The following RPL12 variants were observed in gnomAD, a reference collection of about 807,000 sequenced individuals.
RPL12 encodes the protein large ribosomal subunit protein uL11.
In RPL12, 10 loss-of-function variants were observed where a neutral mutation model predicts 24.5. The observed-to-expected ratio is 0.41, with a 90% confidence interval of 0.25 to 0.69. The LOEUF (loss-of-function observed/expected upper bound fraction) is 0.69. RPL12 is among the 30% of genes least tolerant of loss of function. The pLI, the probability that RPL12 is intolerant of heterozygous loss-of-function variation, is 0.33. For missense variants in RPL12, 137 were observed against 205.3 expected, an observed-to-expected ratio of 0.67 and a Z score of 2.03; for synonymous variants, 74 against 76.1, an observed-to-expected ratio of 0.97 and a Z score of 0.14.
chr9:127,448,118 A>G lies in RPL12; in HGVS notation c.380-129T>C. 6.6e-6 allele frequency: 8 copies of G among 1,210,602 alleles called. No homozygotes were observed. The South Asian group carries it at 1.1e-4, about 16-fold the overall frequency. The allele number at this position is 1,210,602 out of a possible 1,614,324, so 75.0% of individuals were successfully genotyped here. A position where few individuals can be genotyped will look rare whatever the true frequency, so the allele number is the denominator to read the frequency against. On this transcript the variant is annotated intron_variant, in intron 5 of 6. Coordinates refer to ENST00000361436, the MANE Select transcript of RPL12 (RefSeq NM_000976.4). ...TGAGGTTCCTGCTCCCCTAATATAG[A>G]ATATAGAGTTCCATCTAGTTCCATA...
intron 5 of RPL12, 69 bp downstream of exon 5, chr9:127,448,268 A>G: frequency 7.7e-7 from 1 of 1,294,204 alleles, no homozygotes; most frequent in Non-Finnish European, 1.1e-6. Flanking sequence ...CCTTCAAGTA[A>G]GAAGAATGTT....
intron 4 of RPL12, chr9:127,449,021 T>G (rs1226630878): frequency 1.8e-5 from 7 of 387,142 alleles, no homozygotes; most frequent in Non-Finnish European, 2.9e-5. Context: ...GAGATGGGGT[T>G]TCACCATGTT....
At chr9:127,449,933 A>AGCCAG (rs1834247246) in intron 2 of RPL12, 1 of 531,304 alleles carries the variant, frequency 1.9e-6, no homozygotes, top group African/African-American at 1.9e-5. Flanking sequence ...CCCCCTCCTA[A>AGCCAG]GTGCCCATGT....
Position 127,451,366 on chromosome 9 carries a change from G to T in RPL12, c.-49C>A. On this transcript the variant is annotated 5_prime_UTR_variant, in exon 1 of 7. Coordinates refer to ENST00000361436, the MANE Select transcript of RPL12 (RefSeq NM_000976.4). ...GAACCCGGATTCGGGACGACCGAAG[G>T]AAGTTGCACCTTGGCCTCCTCCGAG... The T allele has an allele frequency of 6.3e-7, 1 of 1,593,498 alleles. No individual in the cohort carries two copies. Among genetic ancestry groups the T allele is most frequent in the Non-Finnish European group, 8.6e-7 (1 of 1,166,574 alleles).
chr9:127,449,632 G>C lies in RPL12; in HGVS notation c.188C>G (p.Thr63Ser). The C allele has an allele frequency of 6.2e-7, 1 of 1,614,102 alleles. No individual in the cohort carries two copies. The highest frequency in any genetic ancestry group is 8.5e-7 in the Non-Finnish European group (1 of 1,179,992). ...TACCTGGGCCTGTCTGTTCTGAATG[G>C]TCAGTTTCACTGTAATCCTCAGGCC... is the stretch of plus-strand genomic sequence containing the variant. Reference protein sequence around the residue: ...WKGLRITVKLTIQNRQAQIEV... With the variant: ...WKGLRITVKLSIQNRQAQIEV... Residue 63 changes from threonine (T) to serine (S), a missense_variant, in exon 3 of 7, where the codon ACC (threonine) becomes AGC (serine). Thr to Ser is a moderately conservative substitution (Grantham distance 58). Around this residue, in one of 3 missense-constraint regions of RPL12, gnomAD observed 118 missense variants for 160.7 expected, o/e 0.73. Coordinates refer to ENST00000361436, the MANE Select transcript of RPL12 (RefSeq NM_000976.4).
Position 127,451,402 on chromosome 9 carries a change from A to G in RPL12, c.-85T>C, listed in dbSNP as rs1834312749. ...TTGGCCTCCTCCGAGCCGAAAGCCGAGAGGCCGGAAATCGCGCGGACAAGC... is the reference window on the plus strand; with the variant it reads ...TTGGCCTCCTCCGAGCCGAAAGCCGGGAGGCCGGAAATCGCGCGGACAAGC... On this transcript the variant is annotated 5_prime_UTR_variant, in exon 1 of 7. Transcript: ENST00000361436. The G allele has an allele frequency of 1.3e-5, 20 of 1,567,246 alleles. No individual in the cohort carries two copies. Among genetic ancestry groups the G allele is most frequent in the Non-Finnish European group, 1.7e-5 (20 of 1,146,852 alleles).
chr9:127,450,821 G>A lies in RPL12; in HGVS notation c.38-17C>T, dbSNP rs146896900. 2.4e-4 allele frequency: 370 copies of A among 1,543,208 alleles called. 1 individual carries two copies. Among genetic ancestry groups the A allele is most frequent in the Non-Finnish European group, 3.2e-4 (362 of 1,141,906 alleles). The stretch of plus-strand genomic sequence containing the variant: ...TCAGGTATACTGGGGGAAAAGAAGA[G>A]TTAGTGTCTGTGCAGAGGGAGCCCC... On this transcript the variant is annotated splice_polypyrimidine_tract_variant and intron_variant, in intron 1 of 6. Transcript: ENST00000361436.
At position 127,448,332 on chromosome 9, in the gene RPL12, C is replaced by T. The variant is rs779417892; in HGVS notation, c.379+5G>A. The T allele has an allele frequency of 6.2e-7, 1 of 1,605,608 alleles. No homozygotes were observed. The highest frequency in any genetic ancestry group is 1.1e-5 in the South Asian group (1 of 90,906). ...TATGGCGGTTACATGTTGTCCTGCT[C>T]TTACCAGAGAGTTCTCTGGCTAAGG... On this transcript the variant is annotated splice_donor_5th_base_variant and intron_variant, in intron 5 of 6. Transcript: ENST00000361436.
intron 2 of RPL12, 106 bp downstream of exon 2, chr9:127,450,625 G>T (rs997973152): frequency 1.3e-6 from 1 of 795,600 alleles, no homozygotes; most frequent in South Asian, 1.8e-5. Flanking sequence ...TACTGAGGGT[G>T]ACAGTCCAAG....
chr9:127,448,510 C>A, intron 4 of RPL12, 87 bp from the exon 5 acceptor site: 1 of 919,636 alleles, frequency 1.1e-6, no homozygotes, highest in South Asian at 1.3e-5. Context: ...AGGCTGTTCC[C>A]ATGCTTTCGG....
chr9:127,451,226 G>A, intron 1 of RPL12, 55 bp downstream of exon 1: 1 of 1,598,510 alleles, frequency 6.3e-7, no homozygotes, highest in Non-Finnish European at 8.5e-7. Flanking sequence ...TTGCACGCGC[G>A]GCAGGGCCGA....
intron 2 of RPL12, chr9:127,450,197 G>A: frequency 5.7e-6 from 1 of 175,502 alleles, no homozygotes; most frequent in South Asian, 1.3e-4. Context: ...AAGAGCATTT[G>A]GGGCAGGGGA....
chr9:127,451,044 C>T, intron 1 of RPL12: 1 of 657,066 alleles, frequency 1.5e-6, no homozygotes. Context: ...CGGAGACAAG[C>T]CTTACCCTAG....
At chr9:127,449,421 G>C (rs1834229075) in intron 3 of RPL12, 59 bp from the exon 4 acceptor site, 1 of 1,510,538 alleles carries the variant, frequency 6.6e-7, no homozygotes, top group South Asian at 1.1e-5. Context: ...CATGCACGCT[G>C]GCTCTCAAAA....
chr9:127,449,770 CCCA>C (rs770858874), intron 2 of RPL12, 62 bp from the exon 3 acceptor site: 54 of 1,288,004 alleles, frequency 4.2e-5, no homozygotes, highest in Non-Finnish European at 5.6e-5. Flanking sequence ...TTGAAACCTG[CCCA>C]CCACTTCTCA....
rs760553996 is a variant in RPL12 at position 127,447,992 on chromosome 9, TTAAG to T, written c.380-7_380-4del. On this transcript the variant is annotated splice_region_variant and splice_polypyrimidine_tract_variant and intron_variant, in intron 5 of 6. Transcript: ENST00000361436. ...CCCCAGGATCTCTTTAATGGTTCCTTTAAGTAAAGAAATGGTGGCATTGGAGGTG... is the reference window on the plus strand; with the variant it reads ...CCCCAGGATCTCTTTAATGGTTCCTTTAAAGAAATGGTGGCATTGGAGGTG... 2.5e-6 allele frequency: 4 copies of T among 1,599,578 alleles called. No individual in the cohort carries two copies. The highest frequency in any genetic ancestry group is 2.6e-6 in the Non-Finnish European group (3 of 1,174,500).
chr9:127,451,395 A>C lies in RPL12; in HGVS notation c.-78T>G. Reference sequence around the variant, plus strand: ...TTGCACCTTGGCCTCCTCCGAGCCGAAAGCCGAGAGGCCGGAAATCGCGCG... The same window carrying C: ...TTGCACCTTGGCCTCCTCCGAGCCGCAAGCCGAGAGGCCGGAAATCGCGCG... On this transcript the variant is annotated 5_prime_UTR_variant, in exon 1 of 7. Coordinates refer to ENST00000361436, the MANE Select transcript of RPL12 (RefSeq NM_000976.4). 1.9e-6 allele frequency: 3 copies of C among 1,582,632 alleles called. No homozygotes were observed. The highest frequency in any genetic ancestry group is 1.1e-5 in the South Asian group (1 of 89,494).
intron 4 of RPL12, 52 bp downstream of exon 4, chr9:127,449,229 C>G: frequency 2.0e-6 from 3 of 1,477,198 alleles, no homozygotes; most frequent in Non-Finnish European, 1.9e-6. Flanking sequence ...CCACATATAT[C>G]AAACATCTCA....
chr9:127,450,539 A>G, intron 2 of RPL12, 192 bp downstream of exon 2: 1 of 545,216 alleles, frequency 1.8e-6, no homozygotes, highest in East Asian at 3.4e-5. Context: ...AGCTAATTAC[A>G]ATTTAAAGGC....
Sources: allele counts gnomAD v4.1 joint callset, GRCh38; gene constraint gnomAD v4.1.1; regional missense constraint gnomAD v4.1.1; transcripts MANE v1.5; gene names NCBI Gene and HGNC (gene_info 2026-07-23, HGNC 2026-07-21).